ANGPT2: variants seen among roughly 807,000 people sequenced by gnomAD.
ANGPT2 encodes angiopoietin 2, also known as angiopoietin-2.
A neutral mutation model predicts 62.9 loss-of-function variants in ANGPT2; 28 were observed. The observed-to-expected ratio is 0.44, with a 90% CI of 0.33 to 0.61. The LOEUF (loss-of-function observed/expected upper bound fraction) is 0.61. ANGPT2 is among the 20% of genes least tolerant of loss of function. ANGPT2 has a pLI of 0.03. For missense variants in ANGPT2, 727 were observed against 594.9 expected (o/e 1.22, Z -2.31); for synonymous variants, 284 against 207.8 (o/e 1.37, Z -3.15).
At chr8:6,527,773 T>C (rs1818619297) in intron 2 of ANGPT2, 97 bp from the exon 3 acceptor site, 1 of 1,152,434 alleles carries the variant, frequency 8.7e-7, no homozygotes, top group Non-Finnish European at 1.2e-6. Flanking sequence ...CAGGAAAACA[T>C]AACAAAAACA....
intron 1 of ANGPT2, among the ~76,000 whole-genome samples, chr8:6,535,682 T>G (rs1171816563): frequency 6.6e-6 from 1 of 152,190 alleles, no homozygotes; most frequent in Non-Finnish European, 1.5e-5. Flanking sequence ...CATTGCTAAT[T>G]AATTGAAGTC....
intron 7 of ANGPT2, among the ~76,000 whole-genome samples, chr8:6,510,932 C>A (rs1192746655): frequency 6.6e-6 from 1 of 152,172 alleles, no homozygotes; most frequent in Non-Finnish European, 1.5e-5. Flanking sequence ...TCTCTAAATG[C>A]CTGCTGCAAA....
At chr8:6,559,952 A>T (rs1017068762) in intron 1 of ANGPT2, among the ~76,000 whole-genome samples, 1 of 152,168 alleles carries the variant, frequency 6.6e-6, no homozygotes, top group African/African-American at 2.4e-5. Context: ...CAGAAGCCTG[A>T]CACTTCCTTT....
intron 1 of ANGPT2, among the ~76,000 whole-genome samples, chr8:6,541,937 G>A (rs925749058): frequency 6.6e-6 from 1 of 151,710 alleles, no homozygotes. Context: ...GAGCCCAGGA[G>A]GTTGAGGCTG....
chr8:6,507,720 T>G (rs1165159857), intron 8 of ANGPT2: 1 of 151,764 alleles, frequency 6.6e-6, no homozygotes, highest in Non-Finnish European at 1.5e-5. Context: ...GTAGCTGGGA[T>G]TACAGGTGCC....
intron 8 of ANGPT2, among the ~76,000 whole-genome samples, chr8:6,504,907 G>C (rs879464900): frequency 6.6e-6 from 1 of 151,942 alleles, no homozygotes; most frequent in Non-Finnish European, 1.5e-5. Flanking sequence ...CTAAGGATAA[G>C]GGAGGACTGC....
intron 1 of ANGPT2, among the ~76,000 whole-genome samples, chr8:6,539,669 C>G (rs1821177573): frequency 6.6e-6 from 1 of 152,186 alleles, no homozygotes; most frequent in Non-Finnish European, 1.5e-5. Flanking sequence ...TCACTGCAAC[C>G]TCTGCCTCCC....
chr8:6,548,985 C>T (rs557944012), intron 1 of ANGPT2, among the ~76,000 whole-genome samples: 1 of 152,216 alleles, frequency 6.6e-6, no homozygotes, highest in Non-Finnish European at 1.5e-5. Context: ...ATGAATCAAT[C>T]TATTCCTCAA....
intron 1 of ANGPT2, among the ~76,000 whole-genome samples, chr8:6,539,439 C>G (rs1821120660): frequency 6.6e-6 from 1 of 152,156 alleles, no homozygotes; most frequent in African/African-American, 2.4e-5. Context: ...GTGCCAATTT[C>G]CTAGTGGGTA....
intron 1 of ANGPT2, among the ~76,000 whole-genome samples, chr8:6,554,246 T>A (rs1306085677): frequency 6.6e-6 from 1 of 150,736 alleles, no homozygotes; most frequent in Non-Finnish European, 1.5e-5. Context: ...GCCCAGGTGG[T>A]CTGGACTAAA....
chr8:6,525,641 C>G lies in ANGPT2; in HGVS notation c.566+1914G>C, dbSNP rs535372913. ...ATTTGCATATTTTTGTAATGATATA[C>G]TTGCAAATAAAATCATAGGCCAGTC... On this transcript the variant is annotated intron_variant, in intron 3 of 8. Coordinates refer to ENST00000629816, the MANE Select transcript of ANGPT2 (RefSeq NM_001118887.2). 2.6e-5 allele frequency among the ~76,000 whole-genome samples: 4 copies of G among 152,054 alleles called. No homozygotes were observed. The South Asian group carries it at 8.3e-4, about 32-fold the overall frequency.
intron 3 of ANGPT2, among the ~76,000 whole-genome samples, chr8:6,525,758 G>GA (rs982082392): frequency 3.4e-4 from 52 of 152,028 alleles, no homozygotes; most frequent in Admixed American, 3.1e-3. Flanking sequence ...AGCTGTTGAT[G>GA]AAAAAAACCT....
intron 1 of ANGPT2, among the ~76,000 whole-genome samples, chr8:6,538,834 G>A (rs1443429266): frequency 1.3e-5 from 2 of 152,160 alleles, no homozygotes; most frequent in African/African-American, 4.8e-5. Context: ...GTAACAACAA[G>A]CAAAACATCC....
chr8:6,545,771 A>T (rs187044047), intron 1 of ANGPT2, among the ~76,000 whole-genome samples: 1 of 152,368 alleles, frequency 6.6e-6, no homozygotes, highest in East Asian at 1.9e-4. Flanking sequence ...ATAGGAAGAA[A>T]ATGATTTGTG....
intron 1 of ANGPT2, among the ~76,000 whole-genome samples, chr8:6,535,351 G>C (rs1183613918): frequency 6.6e-6 from 1 of 152,100 alleles, no homozygotes; most frequent in Non-Finnish European, 1.5e-5. Context: ...TAGGAACTTT[G>C]AAAGACATAC....
In ANGPT2 at chr8:6,508,981, A is replaced by G. The variant is rs977565817; in HGVS notation, c.1278T>C (p.Asp426=). ...TGCAAATACATTTGTCGTTGTCTCCATCCTTTGTGCTAAAATCATTTCCTG... is the reference window on the plus strand; with the variant it reads ...TGCAAATACATTTGTCGTTGTCTCCGTCCTTTGTGCTAAAATCATTTCCTG... ...SQPGNDFSTK[D]GDNDKCICKC... The change falls in exon 8 of 9, where the codon GAT becomes GAC. Residue 426 remains aspartate, a synonymous_variant. Transcript: ENST00000629816. 1.9e-6 allele frequency: 3 copies of G among 1,614,118 alleles called. No homozygotes were observed. Among genetic ancestry groups the G allele is most frequent in the Middle Eastern group, 1.6e-4 (1 of 6,062 alleles).
At chr8:6,516,448 T>C (rs1266777823) in intron 5 of ANGPT2, among the ~76,000 whole-genome samples, 2 of 152,212 alleles carry the variant, frequency 1.3e-5, no homozygotes, top group Non-Finnish European at 2.9e-5. Flanking sequence ...TTATGTTTTT[T>C]TTCCACTGAC....
chr8:6,552,933 C>G (rs1823913837), intron 1 of ANGPT2, among the ~76,000 whole-genome samples: 2 of 151,958 alleles, frequency 1.3e-5, no homozygotes, highest in South Asian at 4.1e-4. Flanking sequence ...GTAAAAGGAT[C>G]AGGGTTTGCC....
In ANGPT2 at chr8:6,519,836, A is replaced by T. The variant is rs753383272; in HGVS notation, c.927+28T>A. The T allele has an allele frequency of 3.2e-5, 52 of 1,610,772 alleles. No individual in the cohort carries two copies. The South Asian group carries it at 5.1e-4, about 16-fold the overall frequency. On this transcript the variant is annotated intron_variant, in intron 5 of 8. Transcript: ENST00000629816. ...TAAAGTGGCCTGCCTAGAGCCAGGGAGTTAGTAAGGGGAGACGAATACCTC... is the reference window on the plus strand; with the variant it reads ...TAAAGTGGCCTGCCTAGAGCCAGGGTGTTAGTAAGGGGAGACGAATACCTC...
Sources: gnomAD v4.1 joint callset for allele counts (sites outside exome capture counted in the v4.1 genomes callset) on GRCh38, gnomAD v4.1.1 for gene constraint, MANE v1.5 for transcripts, NCBI Gene and HGNC (gene_info 2026-07-23, HGNC 2026-07-21) for gene names.